The following PLCXD3 variants were observed in gnomAD, a reference collection of about 807,000 sequenced individuals.
The protein encoded by PLCXD3 is phosphatidylinositol specific phospholipase C X domain containing 3.
PLCXD3 carries 19 observed loss-of-function variants against 25.5 expected under a neutral mutation model. The ratio of observed to expected loss-of-function variants is 0.75; its 90% confidence interval spans 0.52 to 1.09. The LOEUF is 1.09. Ranked by LOEUF, PLCXD3 falls within the 50% of genes least tolerant of loss-of-function variation. PLCXD3 has a pLI of 0.00. For missense variants in PLCXD3, 411 were observed against 388.1 expected (o/e 1.06, Z -0.50); for synonymous variants, 174 against 137.6 (o/e 1.26, Z -1.85).
intron 1 of PLCXD3, among the ~76,000 whole-genome samples, chr5:41,481,102 T>TAAAAAAA (rs554092157): frequency 6.9e-5 from 5 of 72,876 alleles, no homozygotes; most frequent in African/African-American, 1.1e-4. Flanking sequence ...ACCTAATTTG[T>TAAAAAAA]AAAAAAAAAA....
intron 1 of PLCXD3, among the ~76,000 whole-genome samples, chr5:41,396,460 C>T (rs1746011153): frequency 6.6e-6 from 1 of 152,270 alleles, no homozygotes; most frequent in Admixed American, 6.5e-5. Flanking sequence ...GTCAATTAAA[C>T]CTCTTTTCTT....
chr5:41,364,320 C>T (rs995726676), intron 2 of PLCXD3, among the ~76,000 whole-genome samples: 5 of 152,188 alleles, frequency 3.3e-5, no homozygotes, highest in Non-Finnish European at 2.9e-5. Context: ...GGATCCTTCA[C>T]TACAATCAGT....
intron 2 of PLCXD3, among the ~76,000 whole-genome samples, chr5:41,358,482 A>G (rs1319283545): frequency 6.6e-6 from 1 of 152,116 alleles, no homozygotes; most frequent in Non-Finnish European, 1.5e-5. Flanking sequence ...AAGTCCTCAA[A>G]GTCCAATGTA....
intron 1 of PLCXD3, among the ~76,000 whole-genome samples, chr5:41,401,440 GT>G (rs1746183371): frequency 6.6e-6 from 1 of 151,952 alleles, no homozygotes; most frequent in Non-Finnish European, 1.5e-5. Flanking sequence ...AACACTACTT[GT>G]TGAAAAAACT....
At chr5:41,475,408 C>T (rs1043715493) in intron 1 of PLCXD3, among the ~76,000 whole-genome samples, 3 of 152,186 alleles carry the variant, frequency 2.0e-5, no homozygotes, top group African/African-American at 7.2e-5. Flanking sequence ...CTAGTCTCTA[C>T]TAGTCTTTGC....
chr5:41,407,998 G>C (rs1746401767), intron 1 of PLCXD3, among the ~76,000 whole-genome samples: 1 of 152,162 alleles, frequency 6.6e-6, no homozygotes, highest in Non-Finnish European at 1.5e-5. Flanking sequence ...GAGTAGAGAA[G>C]TTCAGTATTC....
chr5:41,375,796 A>C (rs1189071162), intron 2 of PLCXD3, among the ~76,000 whole-genome samples: 1 of 152,130 alleles, frequency 6.6e-6, no homozygotes, highest in African/African-American at 2.4e-5. Flanking sequence ...GCCAGTGCTA[A>C]GCAATATTAA....
chr5:41,316,783 C>T (rs747594957), intron 2 of PLCXD3, among the ~76,000 whole-genome samples: 1 of 152,164 alleles, frequency 6.6e-6, no homozygotes, highest in Non-Finnish European at 1.5e-5. Context: ...TTGGAAAGGA[C>T]AGGGAAGACT....
At chr5:41,340,781 G>A (rs1744117892) in intron 2 of PLCXD3, among the ~76,000 whole-genome samples, 1 of 152,104 alleles carries the variant, frequency 6.6e-6, no homozygotes, top group Non-Finnish European at 1.5e-5. Flanking sequence ...AGAACCTAAA[G>A]AATTTTGTTG....
Position 41,510,465 on chromosome 5 carries a change from TCCG to T in PLCXD3, c.59_61del (p.Pro20_Glu21delinsGln). 1 of 1,612,206 alleles carries T rather than the reference TCCG, an allele frequency of 6.2e-7. No individual in the cohort carries two copies. Among genetic ancestry groups the T allele is most frequent in the Non-Finnish European group, 8.5e-7 (1 of 1,179,082 alleles). On this transcript the variant is annotated inframe_deletion, in exon 1 of 3. Transcript: ENST00000377801. Reference sequence around the variant, plus strand: ...GGTGAGGGGGATGCTGTGCATGCTCTCCGGCAGAGTTGCCATCCAGTCGGCTAA... The same window carrying T: ...GGTGAGGGGGATGCTGTGCATGCTCTGCAGAGTTGCCATCCAGTCGGCTAA...
At chr5:41,360,034 A>T (rs1305309500) in intron 2 of PLCXD3, among the ~76,000 whole-genome samples, 2 of 152,104 alleles carry the variant, frequency 1.3e-5, no homozygotes, top group Non-Finnish European at 2.9e-5. Context: ...TCATTTTTTT[A>T]AAAAATTCTT....
chr5:41,357,785 A>C (rs370064708), intron 2 of PLCXD3, among the ~76,000 whole-genome samples: 6 of 152,244 alleles, frequency 3.9e-5, no homozygotes, highest in African/African-American at 1.4e-4. Flanking sequence ...ATAAAAAGCT[A>C]TAATATTAGT....
At chr5:41,435,362 T>C (rs559788925) in intron 1 of PLCXD3, among the ~76,000 whole-genome samples, 1 of 152,362 alleles carries the variant, frequency 6.6e-6, no homozygotes, top group Admixed American at 6.5e-5. Context: ...CATACTTAGA[T>C]AACTCAGAGT....
At chr5:41,337,411 TA>T (rs1744016853) in intron 2 of PLCXD3, among the ~76,000 whole-genome samples, 1 of 152,172 alleles carries the variant, frequency 6.6e-6, no homozygotes, top group Non-Finnish European at 1.5e-5. Flanking sequence ...AGCTGGAGGA[TA>T]TTGATTACAT....
chr5:41,383,587 T>G (rs1281010445), intron 1 of PLCXD3, among the ~76,000 whole-genome samples: 1 of 152,096 alleles, frequency 6.6e-6, no homozygotes, highest in Non-Finnish European at 1.5e-5. Flanking sequence ...TTTCATACAT[T>G]AGAGGGTAGA....
chr5:41,332,768 A>C (rs7724850), intron 2 of PLCXD3, among the ~76,000 whole-genome samples: 2,223 of 152,314 alleles, frequency 0.015, 67 homozygotes, highest in African/African-American at 0.051. Flanking sequence ...ACAGCCATAA[A>C]AAATGATGAG....
chr5:41,389,827 C>T (rs774839733), intron 1 of PLCXD3, among the ~76,000 whole-genome samples: 3 of 152,104 alleles, frequency 2.0e-5, no homozygotes, highest in East Asian at 3.8e-4. Context: ...TTTACATTGA[C>T]ATGTTCCTTT....
At chr5:41,376,344 G>T (rs965901325) in intron 2 of PLCXD3, among the ~76,000 whole-genome samples, 1 of 152,042 alleles carries the variant, frequency 6.6e-6, no homozygotes, top group Non-Finnish European at 1.5e-5. Flanking sequence ...CTTTAAACTG[G>T]TGGCTTCTTC....
intron 1 of PLCXD3, among the ~76,000 whole-genome samples, chr5:41,439,529 G>A (rs954217601): frequency 2.6e-5 from 4 of 151,978 alleles, no homozygotes; most frequent in African/African-American, 9.7e-5. Flanking sequence ...TCTGGAATGC[G>A]GGTGTCATAT....
Sources: gnomAD v4.1 joint callset for allele counts (sites outside exome capture counted in the v4.1 genomes callset) on GRCh38, gnomAD v4.1.1 for gene constraint, MANE v1.5 for transcripts, NCBI Gene and HGNC (gene_info 2026-07-23, HGNC 2026-07-21) for gene names.